Variants in GALNT14 observed in about 807,000 individuals in gnomAD.
GALNT14 encodes polypeptide N-acetylgalactosaminyltransferase 14.
Under a neutral mutation model 77.5 loss-of-function variants are expected in GALNT14, and 60 were observed. The observed-to-expected ratio is 0.77, with a 90% CI of 0.63 to 0.96. The LOEUF is 0.96. Among genes scored for constraint, GALNT14 ranks in the 40% least tolerant of loss-of-function variants. The pLI, the probability that GALNT14 is intolerant of heterozygous loss-of-function variation, is 0.00. For synonymous variants in GALNT14, 280 were observed against 281.7 expected (o/e 0.99, Z 0.06); for missense variants, 710 against 731.0 (o/e 0.97, Z 0.33).
At chr2:30,988,048 C>G (rs1669425254) in intron 2 of GALNT14, among the ~76,000 whole-genome samples, 1 of 152,160 alleles carries the variant, frequency 6.6e-6, no homozygotes, top group Admixed American at 6.5e-5. Context: ...TCTACAAGGC[C>G]CCTGAGGATC....
chr2:30,916,805 G>A (rs1346392883), intron 13 of GALNT14, among the ~76,000 whole-genome samples: 2 of 151,990 alleles, frequency 1.3e-5, no homozygotes, highest in Non-Finnish European at 2.9e-5. Context: ...AGGGTCAGGC[G>A]CGGTGGCTCT....
downstream of GALNT14, among the ~76,000 whole-genome samples, chr2:30,908,394 A>G (rs1288558797): frequency 6.7e-6 from 1 of 150,192 alleles, no homozygotes; most frequent in Non-Finnish European, 1.5e-5. Flanking sequence ...AAAAATCACA[A>G]GCATTCTTAT....
At chr2:30,912,161 GC>G (rs1474489048) in intron 14 of GALNT14, 61 bp downstream of exon 14, 2 of 1,593,160 alleles carry the variant, frequency 1.3e-6, no homozygotes, top group Admixed American at 3.4e-5. Flanking sequence ...ATCAGACTAA[GC>G]CCTCAACAGG....
chr2:30,981,129 C>A (rs988870495), intron 2 of GALNT14, among the ~76,000 whole-genome samples: 12 of 152,236 alleles, frequency 7.9e-5, no homozygotes, highest in African/African-American at 2.7e-4. Context: ...CCAGGACCTT[C>A]GTCCCAGCAC....
At chr2:31,124,313 A>T (rs1344610043) in intron 1 of GALNT14, among the ~76,000 whole-genome samples, 1 of 152,172 alleles carries the variant, frequency 6.6e-6, no homozygotes, top group African/African-American at 2.4e-5. Context: ...GGAAATGCAA[A>T]ATGGATAGCT....
chr2:30,983,090 C>T (rs1482725532), intron 2 of GALNT14, among the ~76,000 whole-genome samples: 1 of 152,186 alleles, frequency 6.6e-6, no homozygotes, highest in Non-Finnish European at 1.5e-5. Flanking sequence ...GGCGAGAGAA[C>T]TGATACCACA....
Position 31,002,220 on chromosome 2 carries a change from G to A in GALNT14, c.130-9213C>T, listed in dbSNP as rs574479538. Among the ~76,000 whole-genome samples the A allele has an allele frequency of 3.6e-4, 55 of 152,042 alleles. 1 individual carries two copies. The highest frequency in any genetic ancestry group is 1.7e-3 in the South Asian group (8 of 4,806). On this transcript the variant is annotated intron_variant, in intron 1 of 14. Transcript: ENST00000349752. ...TGAGGTGGGCGGATTACTTGAGGTC[G>A]GGAGTTTGAGACCAGCCTGGCCAAC...
At chr2:31,012,702 A>G (rs896617529) in intron 1 of GALNT14, among the ~76,000 whole-genome samples, 1 of 152,212 alleles carries the variant, frequency 6.6e-6, no homozygotes, top group Non-Finnish European at 1.5e-5. Flanking sequence ...AATGATGCAA[A>G]CATGCCCCTG....
At chr2:30,947,757 T>C (rs1666788432) in intron 6 of GALNT14, among the ~76,000 whole-genome samples, 1 of 152,138 alleles carries the variant, frequency 6.6e-6, no homozygotes, top group Non-Finnish European at 1.5e-5. Context: ...CCAAATGAGG[T>C]TGTCTTCTTA....
chr2:30,919,905 C>A (rs1307420518), intron 13 of GALNT14, among the ~76,000 whole-genome samples: 2 of 152,148 alleles, frequency 1.3e-5, no homozygotes, highest in Non-Finnish European at 2.9e-5. Flanking sequence ...AGGGAGGGGA[C>A]TACTCTCTGG....
chr2:31,088,405 G>C (rs1036913604), intron 1 of GALNT14, among the ~76,000 whole-genome samples: 1 of 152,208 alleles, frequency 6.6e-6, no homozygotes, highest in South Asian at 2.1e-4. Context: ...GGGATGTGCA[G>C]ATATGCCCTG....
rs768498100 is a variant in GALNT14 at position 30,910,543 on chromosome 2, G to C, written c.*358C>G. ...TTCTTCATCTCTCAATGTAGTCCTG[G>C]CCTAGTGAAAAAGAAGGCTTTTCTT... On this transcript the variant is annotated 3_prime_UTR_variant, in exon 15 of 15. Coordinates refer to ENST00000349752, the MANE Select transcript of GALNT14 (RefSeq NM_024572.4). The C allele has an allele frequency of 4.9e-6, 1 of 203,614 alleles. No individual in the cohort carries two copies. Among genetic ancestry groups the C allele is most frequent in the Non-Finnish European group, 9.8e-6 (1 of 101,594 alleles). The allele number at this position is 203,614 out of a possible 1,614,324, so 12.6% of individuals were successfully genotyped here.
intron 1 of GALNT14, among the ~76,000 whole-genome samples, chr2:31,067,175 T>C (rs748647183): frequency 2.0e-5 from 3 of 152,172 alleles, no homozygotes; most frequent in African/African-American, 4.8e-5. Flanking sequence ...GGTCCCCTTA[T>C]TTGTCACATA....
intron 1 of GALNT14, among the ~76,000 whole-genome samples, chr2:31,133,473 GTGTT>G (rs1679083249): frequency 1.3e-5 from 2 of 152,180 alleles, no homozygotes; most frequent in Non-Finnish European, 2.9e-5. Flanking sequence ...TTTTCTAATG[GTGTT>G]TGTTGTATTT....
Position 30,944,881 on chromosome 2 carries a change from G to A in GALNT14, c.804C>T (p.Arg268=), listed in dbSNP as rs770652926. The change falls in exon 8 of 15, where the codon CGC becomes CGT. Residue 268 remains arginine, a synonymous_variant. Transcript: ENST00000349752. The part of the protein sequence containing the change: ...EQLSPEQKAR[R]LDPTEPIRTP... ...ACCTGATGGGCTCCGTGGGGTCCAGGCGCCGAGCCTTCTGCTCTGGGGAGA... is the reference window on the plus strand; with the variant it reads ...ACCTGATGGGCTCCGTGGGGTCCAGACGCCGAGCCTTCTGCTCTGGGGAGA... 1.2e-6 allele frequency: 2 copies of A among 1,610,346 alleles called. No individual in the cohort carries two copies. The highest frequency in any genetic ancestry group is 4.5e-5 in the East Asian group (2 of 44,816).
At chr2:31,096,569 C>G (rs574687531) in intron 1 of GALNT14, among the ~76,000 whole-genome samples, 2 of 152,302 alleles carry the variant, frequency 1.3e-5, no homozygotes, top group African/African-American at 4.8e-5. Flanking sequence ...TGCCTTGTCT[C>G]ATTTGATCCC....
At chr2:30,956,110 TCC>T in intron 4 of GALNT14, 133 bp from the exon 5 acceptor site, 5 of 814,750 alleles carry the variant, frequency 6.1e-6, no homozygotes, top group Non-Finnish European at 1.0e-5. Context: ...CAGAGTGCAG[TCC>T]TGACTCCAGG....
chr2:31,029,701 C>G (rs1358525260), intron 1 of GALNT14, among the ~76,000 whole-genome samples: 1 of 152,118 alleles, frequency 6.6e-6, no homozygotes, highest in African/African-American at 2.4e-5. Context: ...ACTCTACATC[C>G]CAGAGGAGTA....
chr2:31,125,196 C>T, intron 1 of GALNT14: 4 of 1,550,590 alleles, frequency 2.6e-6, no homozygotes, highest in Non-Finnish European at 3.5e-6. Flanking sequence ...GTGGGTGATA[C>T]AGGCACCTGA....
Sources: allele counts gnomAD v4.1 joint callset (sites outside exome capture counted in the v4.1 genomes callset), GRCh38; gene constraint gnomAD v4.1.1; transcripts MANE v1.5; gene names NCBI Gene and HGNC (gene_info 2026-07-23, HGNC 2026-07-21).